The following RGS20 variants were observed in gnomAD, a reference collection of about 807,000 sequenced individuals.
RGS20 encodes regulator of G protein signaling 20.
RGS20 carries 30 observed loss-of-function variants against 33.6 expected under a neutral mutation model. The ratio of observed to expected loss-of-function variants is 0.89; its 90% CI spans 0.67 to 1.21. RGS20 has a LOEUF of 1.21. Among genes scored for constraint, RGS20 ranks in the 50% most tolerant of loss-of-function variants. The pLI is 0.00. For synonymous variants in RGS20, 208 were observed against 197.9 expected, an observed-to-expected ratio of 1.05 and a Z score of -0.43; for missense variants, 472 against 502.4, an observed-to-expected ratio of 0.94 and a Z score of 0.58.
intron 2 of RGS20, among the ~76,000 whole-genome samples, chr8:53,904,775 C>A (rs1813120630): frequency 6.6e-6 from 1 of 152,222 alleles, no homozygotes; most frequent in South Asian, 2.1e-4. Flanking sequence ...ATAAAGATTT[C>A]AATCAGTACT....
At position 53,879,364 on chromosome 8, in the gene RGS20, G is replaced by A. The variant is rs759013176; in HGVS notation, c.272G>A (p.Arg91Gln). 1.2e-6 allele frequency: 2 copies of A among 1,611,404 alleles called. No homozygotes were observed. The highest frequency in any genetic ancestry group is 3.3e-5 in the Admixed American group (2 of 59,994). The change falls in exon 2 of 6, where the codon CGG (arginine) becomes CAG (glutamine). Residue 91 changes from arginine to glutamine, a missense_variant. This residue lies in a region of RGS20 where 319 missense variants were observed against 283.4 expected (regional missense o/e 1.13). Coordinates refer to ENST00000297313, the MANE Select transcript of RGS20 (RefSeq NM_170587.4). ...GCAAGGTTCTTCTCTCACCTTCTCC[G>A]GCGACCCCCTCCCGAGGCTCCCCGG...
At chr8:53,876,104 T>C (rs1812202288) in intron 1 of RGS20, 1 of 152,220 alleles carries the variant, frequency 6.6e-6, no homozygotes, top group Non-Finnish European at 1.5e-5. Context: ...AACTTAAAAA[T>C]AAAGTTCAGG....
intron 2 of RGS20, among the ~76,000 whole-genome samples, chr8:53,924,822 G>A (rs546054591): frequency 2.0e-5 from 3 of 152,312 alleles, no homozygotes; most frequent in South Asian, 4.1e-4. Context: ...GCAGATTTCA[G>A]AACCAGCAGT....
chr8:53,906,412 C>T (rs528480163), intron 2 of RGS20, among the ~76,000 whole-genome samples: 2 of 152,184 alleles, frequency 1.3e-5, no homozygotes, highest in Admixed American at 1.3e-4. Flanking sequence ...CAACCCTCTG[C>T]TACTTTGCTA....
At chr8:53,946,576 G>T in intron 3 of RGS20, 89 bp from the exon 3 acceptor site, 2 of 1,053,224 alleles carry the variant, frequency 1.9e-6, no homozygotes, top group African/African-American at 1.6e-5. Flanking sequence ...TTAATACTTG[G>T]GGATCTGAAG....
chr8:53,896,497 A>G (rs1812867192), intron 2 of RGS20, among the ~76,000 whole-genome samples: 1 of 152,266 alleles, frequency 6.6e-6, no homozygotes, highest in South Asian at 2.1e-4. Context: ...ACATTTGTCT[A>G]CCTCTGGACT....
rs1199526485 is a variant in RGS20, at chr8:53,877,490, C to T, written c.166-1768C>T. 2.0e-5 allele frequency among the ~76,000 whole-genome samples: 3 copies of T among 152,232 alleles called. No individual in the cohort carries two copies. Among genetic ancestry groups the T allele is most frequent in the Non-Finnish European group, 4.4e-5 (3 of 68,030 alleles). ...AGGGGCGCGTCCCCTGTCCTCCTCC[C>T]GAGCGAGACGAACGCTCAGCAGCTC... On this transcript the variant is annotated intron_variant, in intron 1 of 5. Coordinates refer to ENST00000297313, the MANE Select transcript of RGS20 (RefSeq NM_170587.4). This position sits in a 1 kb window ranked among gnomAD's most constrained non-coding sequence, Gnocchi z 5.7.
chr8:53,911,611 G>T (rs945034361), intron 2 of RGS20, among the ~76,000 whole-genome samples: 17 of 152,180 alleles, frequency 1.1e-4, no homozygotes, highest in Admixed American at 2.0e-4. Flanking sequence ...AAATCGAAAA[G>T]GTGTTATGAG....
rs1386849966 is a variant in RGS20 at position 53,954,236 on chromosome 8, G to C, written c.904G>C (p.Ala302Pro). The C allele has an allele frequency of 6.2e-7, 1 of 1,614,008 alleles. No homozygotes were observed. The highest frequency in any genetic ancestry group is 1.7e-5 in the Admixed American group (1 of 60,026). The change falls in exon 5 of 6, where the codon GCT (alanine) becomes CCT (proline). Residue 302 changes from alanine (A) to proline (P), a missense_variant. Physicochemically the swap from Ala to Pro is conservative, Grantham distance 27 (BLOSUM62 -1). Coordinates refer to ENST00000297313, the MANE Select transcript of RGS20 (RefSeq NM_170587.4). ...GGCCTGTGAGGAACTGAAAAAGGAA[G>C]CTAATAAAAACATTATTGAAGAGAA...
chr8:53,907,325 G>A (rs1344308283), intron 2 of RGS20, among the ~76,000 whole-genome samples: 2 of 151,988 alleles, frequency 1.3e-5, no homozygotes, highest in African/African-American at 4.8e-5. Flanking sequence ...GGTGGCTCAC[G>A]CCTGTAATAC....
chr8:53,919,661 T>A (rs1335431522), intron 2 of RGS20, among the ~76,000 whole-genome samples: 1 of 151,538 alleles, frequency 6.6e-6, no homozygotes, highest in Non-Finnish European at 1.5e-5. Context: ...CGATCTTGGC[T>A]TACTGCAGCC....
At chr8:53,853,511 C>A (rs142493989) in intron 1 of RGS20, among the ~76,000 whole-genome samples, 46 of 152,218 alleles carry the variant, frequency 3.0e-4, no homozygotes, top group African/African-American at 9.6e-4. Flanking sequence ...GGAAGCAATC[C>A]AGTTGGGATG....
intron 2 of RGS20, among the ~76,000 whole-genome samples, chr8:53,916,665 T>C (rs1386667339): frequency 6.6e-6 from 1 of 152,194 alleles, no homozygotes; most frequent in Non-Finnish European, 1.5e-5. Flanking sequence ...AGTAGTGGAT[T>C]TTTGTTTATT....
Position 53,879,468 on chromosome 8 carries a change from C to A in RGS20, c.376C>A (p.Arg126Ser), listed in dbSNP as rs762886472. 1.3e-6 allele frequency: 2 copies of A among 1,585,646 alleles called. No individual in the cohort carries two copies. The highest frequency in any genetic ancestry group is 1.4e-5 in the African/African-American group (1 of 73,592). Residue 126 changes from arginine to serine, a missense_variant, in exon 2 of 6, where the codon CGC (arginine) becomes AGC (serine). By Grantham distance (110) the Arg-to-Ser change is moderately radical. Around this residue, in one of 3 missense-constraint regions of RGS20, gnomAD observed 319 missense variants for 283.4 expected, o/e 1.13. Coordinates refer to ENST00000297313, the MANE Select transcript of RGS20 (RefSeq NM_170587.4). ...GAGGGGGCACGAGGAGCTGCCGGGC[C>A]GCCTCTCGCTCCTGCTCGGGGCGGC... is the stretch of plus-strand genomic sequence containing the variant.
chr8:53,889,224 T>G lies in RGS20; in HGVS notation c.510+9622T>G, dbSNP rs372181258. 4.6e-5 allele frequency among the ~76,000 whole-genome samples: 7 copies of G among 152,196 alleles called. No homozygotes were observed. The East Asian group carries it at 1.2e-3, about 25-fold the overall frequency. On this transcript the variant is annotated intron_variant, in intron 2 of 5. Transcript: ENST00000297313. The stretch of plus-strand genomic sequence containing the variant: ...CTTAGTATTGTTTGCCCATTTAACT[T>G]TAGTCATTCTGGTGGCTGTGTAGTG...
At chr8:53,942,269 A>G (rs1175266591) in intron 3 of RGS20, among the ~76,000 whole-genome samples, 3 of 152,012 alleles carry the variant, frequency 2.0e-5, no homozygotes, top group African/African-American at 7.2e-5. Flanking sequence ...GCAAAACTCC[A>G]TCTCAAAAAA....
chr8:53,906,530 G>C (rs1813184129), intron 2 of RGS20, among the ~76,000 whole-genome samples: 1 of 152,192 alleles, frequency 6.6e-6, no homozygotes. Flanking sequence ...GGGAAACCTA[G>C]AAGGCAGGAC....
intron 2 of RGS20, among the ~76,000 whole-genome samples, chr8:53,922,817 T>C (rs1007954542): frequency 6.6e-6 from 1 of 152,090 alleles, no homozygotes; most frequent in Non-Finnish European, 1.5e-5. Context: ...TGCACCCTCA[T>C]GCCAGCTAAT....
At chr8:53,923,731 C>T (rs368798060) in intron 2 of RGS20, among the ~76,000 whole-genome samples, 10 of 152,184 alleles carry the variant, frequency 6.6e-5, no homozygotes, top group African/African-American at 2.2e-4. Flanking sequence ...TGATGCGCTG[C>T]GTCTTTTTAT....
Sources: allele counts gnomAD v4.1 joint callset (sites outside exome capture counted in the v4.1 genomes callset), GRCh38; gene constraint gnomAD v4.1.1; regional missense constraint gnomAD v4.1.1; non-coding constraint Gnocchi (gnomAD v3.1); transcripts MANE v1.5; gene names NCBI Gene and HGNC (gene_info 2026-07-23, HGNC 2026-07-21).